THOC7: variants seen among roughly 807,000 people sequenced by gnomAD.
THOC7 encodes THO complex subunit 7, also known as NIF3L1-binding protein 1.
Under a neutral mutation model 33.1 loss-of-function variants are expected in THOC7, and 22 were observed. The observed-to-expected ratio is 0.66, with a 90% CI of 0.47 to 0.95. THOC7 has a LOEUF of 0.95. Among genes scored for constraint, THOC7 ranks in the 40% least tolerant of loss-of-function variants. The pLI is 0.00. For missense variants in THOC7, 184 were observed against 245.3 expected (o/e 0.75, Z 1.67); for synonymous variants, 77 against 76.8 (o/e 1.00, Z -0.01).
chr3:63,863,836 G>C, upstream of THOC7: 1 of 1,219,298 alleles, frequency 8.2e-7, no homozygotes, highest in Non-Finnish European at 1.0e-6. Flanking sequence ...AAGCTGAGGC[G>C]GCGGTTGGCG....
In THOC7 at chr3:63,837,029, C is replaced by T. The variant is rs185000280; in HGVS notation, c.353-671G>A. Among the ~76,000 whole-genome samples the T allele has an allele frequency of 2.0e-3, 307 of 151,818 alleles. 1 individual carries two copies. The highest frequency in any genetic ancestry group is 0.015 in the South Asian group (70 of 4,820). ...CTGTAAATAAGGCACCAAAACTTCA[C>T]CATACACATTTTAAACTGAAAAAAA... On this transcript the variant is annotated intron_variant, in intron 4 of 7. Coordinates refer to ENST00000295899, the MANE Select transcript of THOC7 (RefSeq NM_025075.4).
At chr3:63,836,032 A>G (rs191055075) in intron 5 of THOC7, among the ~76,000 whole-genome samples, 2 of 152,108 alleles carry the variant, frequency 1.3e-5, no homozygotes. Context: ...ATTCTTTTTA[A>G]CTGAAATTCA....
At chr3:63,835,433 G>C in intron 5 of THOC7, 43 bp from the exon 6 acceptor site, 1 of 1,579,082 alleles carries the variant, frequency 6.3e-7, no homozygotes, top group Non-Finnish European at 8.7e-7. Flanking sequence ...GAATGGGGGA[G>C]AAGAGTTTAC....
chr3:63,859,521 C>T (rs568363520), intron 1 of THOC7, among the ~76,000 whole-genome samples: 29 of 152,370 alleles, frequency 1.9e-4, no homozygotes, highest in African/African-American at 7.0e-4. Flanking sequence ...GAATACTTTC[C>T]TGGGCTCTTC....
intron 3 of THOC7, 68 bp from the exon 4 acceptor site, chr3:63,838,130 C>A: frequency 7.0e-7 from 1 of 1,424,316 alleles, no homozygotes; most frequent in Non-Finnish European, 9.6e-7. Flanking sequence ...TTTTAAAACG[C>A]ATTTATAAAT....
intron 1 of THOC7, among the ~76,000 whole-genome samples, chr3:63,840,533 T>C (rs974574970): frequency 7.2e-5 from 11 of 152,148 alleles, no homozygotes; most frequent in African/African-American, 1.2e-4. Flanking sequence ...CAAGGCTGCA[T>C]TGAGCCATGA....
chr3:63,860,622 G>A lies in THOC7; in HGVS notation c.19+3150C>T, dbSNP rs573201418. The A allele has an allele frequency of 4.6e-5, 7 of 152,224 alleles. No individual in the cohort carries two copies. In the South Asian group the frequency reaches 1.2e-3, roughly 27 times the overall value. The allele number at this position is 152,224 out of a possible 1,614,324, so 9.4% of individuals were successfully genotyped here. A position where few individuals can be genotyped will look rare whatever the true frequency, so the allele number is the denominator to read the frequency against. On this transcript the variant is annotated intron_variant, in intron 1 of 7. Coordinates refer to ENST00000295899, the MANE Select transcript of THOC7 (RefSeq NM_025075.4). ...CTGCCTCTCAGAATGGCCTACTGGAGAAACAGGTCACTTACAGCTTGGTTA... is the reference window on the plus strand; with the variant it reads ...CTGCCTCTCAGAATGGCCTACTGGAAAAACAGGTCACTTACAGCTTGGTTA...
At chr3:63,854,128 G>A (rs1171957197) in intron 1 of THOC7, among the ~76,000 whole-genome samples, 2 of 152,182 alleles carry the variant, frequency 1.3e-5, no homozygotes, top group African/African-American at 2.4e-5. Flanking sequence ...GAGAGTTGCT[G>A]CCTAGAAAAC....
At chr3:63,859,115 A>G (rs1462001430) in intron 1 of THOC7, among the ~76,000 whole-genome samples, 1 of 152,224 alleles carries the variant, frequency 6.6e-6, no homozygotes, top group Non-Finnish European at 1.5e-5. Context: ...AAGAGCATCC[A>G]CTTCTATCTT....
intron 1 of THOC7, among the ~76,000 whole-genome samples, chr3:63,855,569 G>A (rs371010063): frequency 6.6e-6 from 1 of 152,182 alleles, no homozygotes; most frequent in Admixed American, 6.5e-5. Flanking sequence ...TAGCATAAAA[G>A]GGAGTTTCTC....
At chr3:63,853,907 C>CAA (rs1172783360) in intron 1 of THOC7, among the ~76,000 whole-genome samples, 9 of 71,936 alleles carry the variant, frequency 1.3e-4, no homozygotes, top group Admixed American at 1.6e-4. Context: ...GACTCCGTCT[C>CAA]AAAAAAAAAA....
chr3:63,859,021 TAA>T (rs2107167071), intron 1 of THOC7, among the ~76,000 whole-genome samples: 1 of 152,282 alleles, frequency 6.6e-6, no homozygotes, highest in South Asian at 2.1e-4. Context: ...ATCAAATTTG[TAA>T]AAGACATTGG....
chr3:63,853,733 CCT>C (rs1702059455), intron 1 of THOC7, among the ~76,000 whole-genome samples: 1 of 152,066 alleles, frequency 6.6e-6, no homozygotes. Context: ...GCGGTGAAAC[CCT>C]GTCTGTACTG....
intron 1 of THOC7, among the ~76,000 whole-genome samples, chr3:63,840,243 T>C (rs900416042): frequency 6.6e-6 from 1 of 151,728 alleles, no homozygotes; most frequent in Non-Finnish European, 1.5e-5. Flanking sequence ...ACAAAAGGAA[T>C]AGACAGGAAA....
intron 1 of THOC7, among the ~76,000 whole-genome samples, chr3:63,841,854 A>T (rs976256088): frequency 3.3e-4 from 51 of 152,292 alleles, no homozygotes; most frequent in African/African-American, 1.2e-3. Flanking sequence ...CTAGTGGGTG[A>T]ATCTGGTGGC....
At chr3:63,863,855 G>C (rs1702311732), upstream of THOC7, 11 of 1,215,068 alleles carry the variant, frequency 9.1e-6, no homozygotes, top group Non-Finnish European at 1.1e-5. Context: ...CGGCGGCGGA[G>C]GTCAAACTCC....
chr3:63,840,147 T>A (rs1701727371), intron 1 of THOC7, among the ~76,000 whole-genome samples: 1 of 152,236 alleles, frequency 6.6e-6, no homozygotes, highest in East Asian at 1.9e-4. Flanking sequence ...AATAAGCCAA[T>A]AATTCATAGA....
intron 1 of THOC7, among the ~76,000 whole-genome samples, chr3:63,850,626 G>C (rs1211403316): frequency 8.0e-6 from 1 of 124,398 alleles, no homozygotes; most frequent in African/African-American, 3.2e-5. Flanking sequence ...TCGCTCTGTC[G>C]CCCAGCCTGG....
chr3:63,849,022 G>A (rs930263843), intron 1 of THOC7, among the ~76,000 whole-genome samples: 3 of 152,186 alleles, frequency 2.0e-5, no homozygotes, highest in African/African-American at 7.2e-5. Context: ...CTCTTTAACA[G>A]GATACAATTG....
Sources: gnomAD v4.1 joint callset for allele counts (sites outside exome capture counted in the v4.1 genomes callset) on GRCh38, gnomAD v4.1.1 for gene constraint, MANE v1.5 for transcripts, NCBI Gene and HGNC (gene_info 2026-07-23, HGNC 2026-07-21) for gene names.